ATF6: variants seen among roughly 807,000 people sequenced by gnomAD.
ATF6 encodes the protein cyclic AMP-dependent transcription factor ATF-6 alpha.
A neutral mutation model predicts 83.6 loss-of-function variants in ATF6; 53 were observed. The observed-to-expected ratio is 0.63, with a 90% confidence interval of 0.51 to 0.80. The LOEUF is 0.80. ATF6 is among the 30% of genes least tolerant of loss of function. The probability of loss-of-function intolerance (pLI) is 0.00; values close to 1 mark genes in which losing one functional copy is unlikely to be tolerated. For synonymous variants in ATF6, 288 were observed against 285.8 expected (o/e 1.01, Z -0.08); for missense variants, 744 against 797.9 (o/e 0.93, Z 0.81).
intron 4 of ATF6, among the ~76,000 whole-genome samples, chr1:161,790,490 A>G (rs1215849090): frequency 6.6e-6 from 1 of 152,128 alleles, no homozygotes; most frequent in African/African-American, 2.4e-5. Flanking sequence ...CTCAATCATT[A>G]TGAATTCACC....
chr1:161,803,462 T>C (rs1557968790), intron 7 of ATF6, among the ~76,000 whole-genome samples: 1 of 152,192 alleles, frequency 6.6e-6, no homozygotes, highest in African/African-American at 2.4e-5. Flanking sequence ...TTGACTGTTA[T>C]GTTGGTTTGT....
chr1:161,917,746 C>G (rs1213960160), intron 15 of ATF6, among the ~76,000 whole-genome samples: 1 of 152,158 alleles, frequency 6.6e-6, no homozygotes, highest in Non-Finnish European at 1.5e-5. Context: ...CACAATTTTG[C>G]TCATGAAACA....
At position 161,925,758 on chromosome 1, in the gene ATF6, T is replaced by TA. The variant is rs1479656768; in HGVS notation, c.1804+13379dup. Among the ~76,000 whole-genome samples the TA allele has an allele frequency of 3.3e-5, 5 of 152,316 alleles. No homozygotes were observed. The East Asian group carries it at 9.6e-4, about 29-fold the overall frequency. On this transcript the variant is annotated intron_variant, in intron 15 of 15. Transcript: ENST00000367942. ...TTGAATTAAATATATGAAGTATCTA[T>TA]ATAAGCCAGGCACTGTCCATTGTAT...
chr1:161,778,453 A>G, intron 2 of ATF6, 133 bp downstream of exon 2: 1 of 650,040 alleles, frequency 1.5e-6, no homozygotes, highest in Non-Finnish European at 2.6e-6. Flanking sequence ...TCTACCATTA[A>G]GTATGAAAGT....
intron 14 of ATF6, among the ~76,000 whole-genome samples, chr1:161,897,251 C>T (rs1196057812): frequency 4.6e-5 from 7 of 151,660 alleles, no homozygotes; most frequent in African/African-American, 1.2e-4. Context: ...CTGGGCAACA[C>T]GATGAAACTC....
At chr1:161,888,798 A>G (rs538344772) in intron 14 of ATF6, among the ~76,000 whole-genome samples, 1 of 151,984 alleles carries the variant, frequency 6.6e-6, no homozygotes, top group Non-Finnish European at 1.5e-5. Context: ...CCCTGCCTAA[A>G]TTCCTTGGTT....
At chr1:161,947,701 G>A (rs1688776604) in intron 15 of ATF6, among the ~76,000 whole-genome samples, 1 of 149,418 alleles carries the variant, frequency 6.7e-6, no homozygotes, top group East Asian at 2.1e-4. Flanking sequence ...TTAAGTAGTA[G>A]TATATCAGAA....
intron 15 of ATF6, among the ~76,000 whole-genome samples, chr1:161,924,042 T>G (rs561406800): frequency 2.2e-4 from 33 of 152,336 alleles, no homozygotes; most frequent in African/African-American, 7.9e-4. Flanking sequence ...TGGATTTATC[T>G]TTGTACGGGG....
At chr1:161,769,746 C>T (rs1684341920) in intron 1 of ATF6, among the ~76,000 whole-genome samples, 1 of 151,958 alleles carries the variant, frequency 6.6e-6, no homozygotes, top group African/African-American at 2.4e-5. Flanking sequence ...GTTAGATTCT[C>T]ATAAGGAGCG....
chr1:161,858,097 A>G (rs561183827), intron 12 of ATF6, among the ~76,000 whole-genome samples: 275 of 152,298 alleles, frequency 1.8e-3, no homozygotes, highest in Middle Eastern at 3.4e-3. Flanking sequence ...ACAAAGCAAG[A>G]CCCTGTGTCT....
chr1:161,936,852 C>T (rs911967665), intron 15 of ATF6, among the ~76,000 whole-genome samples: 4 of 152,168 alleles, frequency 2.6e-5, no homozygotes, highest in African/African-American at 7.2e-5. Flanking sequence ...TTTCCACCCT[C>T]AACCTTCTCC....
intron 1 of ATF6, among the ~76,000 whole-genome samples, chr1:161,777,243 A>G (rs966839862): frequency 2.6e-5 from 4 of 152,206 alleles, no homozygotes; most frequent in Non-Finnish European, 4.4e-5. Flanking sequence ...GTTTCAGCCT[A>G]TATATAAGCC....
rs1381372460 is a variant in ATF6 at position 161,912,298 on chromosome 1, T to A, written c.1722T>A (p.Asp574Glu). Reference sequence around the variant, plus strand: ...AGATTGTTCTTTGTTAATTTTAGGATCACCTGCTGTTACCAGCTACCACCC... The same window carrying A: ...AGATTGTTCTTTGTTAATTTTAGGAACACCTGCTGTTACCAGCTACCACCC... ...DTFYVVSFRR[D>E]HLLLPATTHN... is the part of the protein sequence containing the mutation. The change falls in exon 15 of 16, where the codon GAT (aspartate) becomes GAA (glutamate). Residue 574 changes from aspartate (D) to glutamate (E), a missense_variant and splice_region_variant. By Grantham distance (45) the Asp-to-Glu change is conservative (BLOSUM62 2). Coordinates refer to ENST00000367942, the MANE Select transcript of ATF6 (RefSeq NM_007348.4). 2 of 1,601,394 alleles carry A rather than the reference T, an allele frequency of 1.2e-6. No homozygotes were observed. The highest frequency in any genetic ancestry group is 1.3e-5 in the African/African-American group (1 of 74,160).
intron 11 of ATF6, among the ~76,000 whole-genome samples, 184 bp from the exon 12 acceptor site, chr1:161,853,040 G>T (rs1226555023): frequency 6.6e-6 from 1 of 152,168 alleles, no homozygotes; most frequent in Non-Finnish European, 1.5e-5. Flanking sequence ...AAAAATGCAT[G>T]TCTTATTAAA....
Position 161,830,986 on chromosome 1 carries a change from G to A in ATF6, c.1187+9825G>A, listed in dbSNP as rs1434112399. On this transcript the variant is annotated intron_variant, in intron 9 of 15. Coordinates refer to ENST00000367942, the MANE Select transcript of ATF6 (RefSeq NM_007348.4). ...ACTAAAGAGCTTCTGCACAGCAAAA[G>A]AAACTACCGTCAGAGTGAACAGGCA... 2.0e-5 allele frequency among the ~76,000 whole-genome samples: 3 copies of A among 152,110 alleles called. No individual in the cohort carries two copies. The East Asian group carries it at 5.8e-4, about 29-fold the overall frequency.
chr1:161,879,360 C>T (rs1023641197), intron 14 of ATF6, among the ~76,000 whole-genome samples: 2 of 151,896 alleles, frequency 1.3e-5, no homozygotes, highest in Non-Finnish European at 2.9e-5. Context: ...GTCAGTATGC[C>T]GTATGCTTTA....
intron 3 of ATF6, among the ~76,000 whole-genome samples, chr1:161,783,513 CA>C (rs769955806): frequency 5.3e-5 from 8 of 151,820 alleles, no homozygotes; most frequent in Non-Finnish European, 1.2e-4. Context: ...ATTGTATTGT[CA>C]AAAATGCTTT....
chr1:161,816,250 C>T (rs1024503516), intron 7 of ATF6, among the ~76,000 whole-genome samples: 6 of 152,314 alleles, frequency 3.9e-5, no homozygotes, highest in Non-Finnish European at 5.9e-5. Context: ...GCCAGCTGTT[C>T]GCTTATTTCA....
At chr1:161,957,167 CAA>C (rs947237454) in intron 15 of ATF6, among the ~76,000 whole-genome samples, 2 of 88,648 alleles carry the variant, frequency 2.3e-5, no homozygotes, top group African/African-American at 6.4e-5. Flanking sequence ...TGCTCAGTGT[CAA>C]AGTTAAAAAA....
Sources: allele counts gnomAD v4.1 joint callset (sites outside exome capture counted in the v4.1 genomes callset), GRCh38; gene constraint gnomAD v4.1.1; transcripts MANE v1.5; gene names NCBI Gene and HGNC (gene_info 2026-07-23, HGNC 2026-07-21).